MALRD1: variants seen among roughly 807,000 people sequenced by gnomAD.
The protein encoded by MALRD1 is MAM and LDL-receptor class A domain-containing protein 1.
Under a neutral mutation model 242.1 loss-of-function variants are expected in MALRD1, and 247 were observed. The observed-to-expected ratio is 1.02, with a 90% CI of 0.92 to 1.13. MALRD1 has a LOEUF of 1.13. MALRD1 is among the 50% of genes most tolerant of loss of function. The pLI is 0.00. For synonymous variants in MALRD1, 995 were observed against 866.6 expected (o/e 1.15, Z -2.60); for missense variants, 2,989 against 2,533.1 (o/e 1.18, Z -3.86).
In MALRD1 at chr10:19,719,223, CATATAT is replaced by C. The variant is rs368394538; in HGVS notation, c.6315-11452_6315-11447del. On this transcript the variant is annotated intron_variant, in intron 38 of 39. Transcript: ENST00000454679. The stretch of plus-strand genomic sequence containing the variant: ...ATATATATATATATACACATACATA[CATATAT>C]ATATATATATATATATATATATATA... 2.8e-3 allele frequency among the ~76,000 whole-genome samples: 217 copies of C among 76,426 alleles called. 7 individuals are homozygous for C. The highest frequency in any genetic ancestry group is 0.025 in the Middle Eastern group (3 of 122). The allele number at this position is 76,426 out of a possible 152,430, so 50.1% of individuals were successfully genotyped here.
chr10:19,524,945 C>G (rs11010239), intron 31 of MALRD1, among the ~76,000 whole-genome samples: 6,775 of 151,632 alleles, frequency 0.045, 238 homozygotes, highest in Middle Eastern at 0.11. Flanking sequence ...CTCTTGTTAT[C>G]CAGGCTGAAG....
At chr10:19,703,787 C>CAGAG (rs1416929707) in intron 38 of MALRD1, among the ~76,000 whole-genome samples, 1 of 152,074 alleles carries the variant, frequency 6.6e-6, no homozygotes, top group Non-Finnish European at 1.5e-5. Flanking sequence ...CCCAGCTACT[C>CAGAG]AGAGGGCTGA....
intron 14 of MALRD1, among the ~76,000 whole-genome samples, chr10:19,188,724 G>C (rs1835844282): frequency 6.6e-6 from 1 of 152,174 alleles, no homozygotes; most frequent in African/African-American, 2.4e-5. Flanking sequence ...CAACACCAAA[G>C]TCTAGAAGAC....
intron 5 of MALRD1, among the ~76,000 whole-genome samples, chr10:19,104,316 T>C (rs1836386495): frequency 6.6e-6 from 1 of 152,202 alleles, no homozygotes; most frequent in Admixed American, 6.5e-5. Flanking sequence ...ACTTGAAATC[T>C]TGTAGCAATG....
intron 29 of MALRD1, among the ~76,000 whole-genome samples, chr10:19,483,463 C>T (rs1181140491): frequency 6.6e-6 from 1 of 151,960 alleles, no homozygotes; most frequent in Non-Finnish European, 1.5e-5. Flanking sequence ...AGCAAAAAAA[C>T]CCATTAAAAA....
chr10:19,669,833 G>A (rs962998760), intron 36 of MALRD1, among the ~76,000 whole-genome samples: 1 of 152,116 alleles, frequency 6.6e-6, no homozygotes, highest in Non-Finnish European at 1.5e-5. Flanking sequence ...TGGAGGCAGT[G>A]AGTGAATAAG....
intron 1 of MALRD1, among the ~76,000 whole-genome samples, chr10:19,050,793 A>G (rs1413666500): frequency 2.0e-5 from 3 of 152,220 alleles, no homozygotes; most frequent in Non-Finnish European, 4.4e-5. Flanking sequence ...TGGTTTGACA[A>G]GCAGTGCCAA....
chr10:19,216,909 G>T (rs574912146), intron 18 of MALRD1, among the ~76,000 whole-genome samples: 2 of 148,508 alleles, frequency 1.3e-5, no homozygotes, highest in East Asian at 4.1e-4. Flanking sequence ...TCACGCCACT[G>T]CACTCCAGCC....
intron 13 of MALRD1, among the ~76,000 whole-genome samples, chr10:19,171,716 A>G (rs1193170960): frequency 1.5e-4 from 21 of 139,596 alleles, no homozygotes; most frequent in African/African-American, 5.2e-4. Flanking sequence ...ATATACGTAT[A>G]TACACGTATA....
intron 35 of MALRD1, among the ~76,000 whole-genome samples, chr10:19,612,643 C>G (rs1394523910): frequency 2.0e-5 from 3 of 151,818 alleles, no homozygotes; most frequent in African/African-American, 7.3e-5. Flanking sequence ...GTTTCATTGG[C>G]TCATGGTTCT....
At chr10:19,334,979 A>G (rs1243928553) in intron 24 of MALRD1, among the ~76,000 whole-genome samples, 1 of 152,082 alleles carries the variant, frequency 6.6e-6, no homozygotes, top group African/African-American at 2.4e-5. Flanking sequence ...TTTAGGCTCT[A>G]AAGTTGTGCG....
At chr10:19,074,688 A>T (rs1028545881) in intron 2 of MALRD1, among the ~76,000 whole-genome samples, 1 of 152,084 alleles carries the variant, frequency 6.6e-6, no homozygotes, top group Non-Finnish European at 1.5e-5. Context: ...TATTGATGAG[A>T]GCTAAAAATG....
intron 19 of MALRD1, among the ~76,000 whole-genome samples, chr10:19,267,725 C>G (rs1164098320): frequency 6.6e-6 from 1 of 151,962 alleles, no homozygotes; most frequent in Admixed American, 6.6e-5. Context: ...TGAAATATGC[C>G]TTTCTTTTGT....
chr10:19,428,665 C>T (rs1296606438), intron 28 of MALRD1, among the ~76,000 whole-genome samples: 1 of 150,926 alleles, frequency 6.6e-6, no homozygotes, highest in Non-Finnish European at 1.5e-5. Context: ...GAAACTCTTT[C>T]AATCATTTGA....
chr10:19,687,433 T>C (rs1388603586), intron 36 of MALRD1, among the ~76,000 whole-genome samples: 1 of 152,146 alleles, frequency 6.6e-6, no homozygotes, highest in African/African-American at 2.4e-5. Flanking sequence ...ACCAACCCAC[T>C]TAGCCACTCA....
intron 26 of MALRD1, among the ~76,000 whole-genome samples, chr10:19,361,987 T>A (rs899375405): frequency 1.2e-4 from 19 of 152,088 alleles, no homozygotes; most frequent in African/African-American, 4.1e-4. Context: ...TATAGGACCC[T>A]TCCAGGCTTG....
chr10:19,585,057 T>G (rs1402097365), intron 33 of MALRD1, among the ~76,000 whole-genome samples: 1 of 109,646 alleles, frequency 9.1e-6, no homozygotes, highest in Non-Finnish European at 2.0e-5. Flanking sequence ...CCCCTGCCTT[T>G]TTTTGTTTTC....
At chr10:19,563,535 A>G (rs1056589392) in intron 32 of MALRD1, among the ~76,000 whole-genome samples, 2 of 152,146 alleles carry the variant, frequency 1.3e-5, no homozygotes, top group Non-Finnish European at 2.9e-5. Flanking sequence ...TCACTGATGC[A>G]TTTCACACAC....
At position 19,341,438 on chromosome 10, in the gene MALRD1, G is replaced by GTA. The variant is rs34129852; in HGVS notation, c.3902-6321_3902-6320dup. ...CAAAATAAGTAAAATAACACTATAT[G>GTA]TATATATATATATGTGTATATATAT... On this transcript the variant is annotated intron_variant, in intron 24 of 39. Transcript: ENST00000454679. 1.9e-4 allele frequency among the ~76,000 whole-genome samples: 27 copies of GTA among 144,618 alleles called. 1 individual carries two copies. Among genetic ancestry groups the GTA allele is most frequent in the South Asian group, 6.4e-4 (3 of 4,680 alleles). The allele number at this position is 144,618 out of a possible 152,430, so 94.9% of individuals were successfully genotyped here. A position where few individuals can be genotyped will look rare whatever the true frequency, so the allele number is the denominator to read the frequency against.
Sources: gnomAD v4.1 joint callset for allele counts (sites outside exome capture counted in the v4.1 genomes callset) on GRCh38, gnomAD v4.1.1 for gene constraint, MANE v1.5 for transcripts, NCBI Gene and HGNC (gene_info 2026-07-23, HGNC 2026-07-21) for gene names.